Variants in CLTCL1 observed in about 807,000 individuals in gnomAD.
The protein encoded by CLTCL1 is clathrin heavy chain like 1.
CLTCL1 carries 159 observed loss-of-function variants against 190.0 expected under a neutral mutation model. That is an observed-to-expected ratio of 0.84 (90% CI 0.74 to 0.95). CLTCL1 has a LOEUF of 0.95. Ranked by LOEUF, CLTCL1 falls within the 40% of genes least tolerant of loss-of-function variation. The probability of loss-of-function intolerance (pLI) is 0.00; values close to 1 mark genes in which losing one functional copy is unlikely to be tolerated. For synonymous variants in CLTCL1, 752 were observed against 769.6 expected, an observed-to-expected ratio of 0.98 and a Z score of 0.38; for missense variants, 1,878 against 2,033.4, an observed-to-expected ratio of 0.92 and a Z score of 1.47.
rs782484669 is a variant in CLTCL1, at chr22:19,233,390, CG to C, written c.1368+31del. 4.3e-6 allele frequency: 7 copies of C among 1,612,524 alleles called. No individual in the cohort carries two copies. In the East Asian group the frequency reaches 1.3e-4, roughly 31 times the overall value. On this transcript the variant is annotated intron_variant, in intron 8 of 32. Transcript: ENST00000427926. ...GCCTGGACCAAGTTTTCAAGCTGTG[CG>C]GGGGGGCTACGAGCTCACAAGTGTT...
chr22:19,227,488 G>T (rs1420013715), intron 11 of CLTCL1, among the ~76,000 whole-genome samples: 33 of 137,060 alleles, frequency 2.4e-4, no homozygotes, highest in Non-Finnish European at 4.6e-5. Context: ...GTCTCGCTCT[G>T]TTGCCAGGCT....
intron 29 of CLTCL1, among the ~76,000 whole-genome samples, chr22:19,185,684 G>A (rs1015383191): frequency 2.6e-5 from 4 of 152,226 alleles, no homozygotes; most frequent in Non-Finnish European, 2.9e-5. Flanking sequence ...CTGGGCCCAC[G>A]TGGCTCGGAG....
chr22:19,202,856 T>G (rs1432835015), intron 22 of CLTCL1, among the ~76,000 whole-genome samples: 1 of 152,214 alleles, frequency 6.6e-6, no homozygotes, highest in Admixed American at 6.5e-5. Flanking sequence ...GTCCGTGGAA[T>G]GTCCTTCCTA....
At chr22:19,227,056 G>C (rs972264916) in intron 11 of CLTCL1, among the ~76,000 whole-genome samples, 4 of 151,882 alleles carry the variant, frequency 2.6e-5, no homozygotes, top group Non-Finnish European at 4.4e-5. Context: ...CATTCTTATA[G>C]GGTTTCTATG....
At chr22:19,252,750 C>G (rs1555970559) in intron 3 of CLTCL1, among the ~76,000 whole-genome samples, 1 of 152,232 alleles carries the variant, frequency 6.6e-6, no homozygotes, top group Admixed American at 6.5e-5. Flanking sequence ...CGCGGTGGCT[C>G]ACGCCTGTAA....
Position 19,224,033 on chromosome 22 carries a change from G to A in CLTCL1, c.2150C>T (p.Ser717Leu). 6.2e-7 allele frequency: 1 copy of A among 1,613,966 alleles called. No homozygotes were observed. Among genetic ancestry groups the A allele is most frequent in the Non-Finnish European group, 8.5e-7 (1 of 1,179,890 alleles). ...TGGGTCTTGGCTGAAGTTCACGATT[G>A]AGCCCAGGAAGTAGAAGAGGCCTAT... ...SYKGLFYFLG[S>L]IVNFSQDPDV... The change falls in exon 14 of 33, where the codon TCA (serine) becomes TTA (leucine). Residue 717 changes from serine (S) to leucine (L), a missense_variant. Physicochemically the swap from Ser to Leu is moderately radical, Grantham distance 145. Coordinates refer to ENST00000427926, the MANE Select transcript of CLTCL1 (RefSeq NM_007098.4).
chr22:19,254,300 T>C, intron 2 of CLTCL1, 73 bp from the exon 3 acceptor site: 1 of 1,266,632 alleles, frequency 7.9e-7, no homozygotes, highest in South Asian at 1.4e-5. Context: ...ATACTCTTAA[T>C]TCTGAATTCT....
chr22:19,209,337 A>G, intron 20 of CLTCL1: 2 of 453,634 alleles, frequency 4.4e-6, no homozygotes, highest in South Asian at 4.2e-5. Flanking sequence ...ACACTCCAAT[A>G]AAGAGGCACA....
At position 19,208,270 on chromosome 22, in the gene CLTCL1, T is replaced by G. The variant is rs782655174; in HGVS notation, c.3484A>C (p.Lys1162Gln). Residue 1162 changes from lysine to glutamine, a missense_variant, in exon 22 of 33, where the codon AAA (lysine) becomes CAA (glutamine). Coordinates refer to ENST00000427926, the MANE Select transcript of CLTCL1 (RefSeq NM_007098.4). ...DLVKFLQMAR[K>Q]KGRESYIETE... ...TCTATATAGGACTCACGGCCCTTTT[T>G]CCTGGCCATCTGCAGAAATTTAACT... The G allele has an allele frequency of 3.1e-6, 5 of 1,613,706 alleles. No homozygotes were observed. The African/African-American group carries it at 5.3e-5, about 17-fold the overall frequency.
chr22:19,248,563 C>T (rs2086492209), intron 3 of CLTCL1, among the ~76,000 whole-genome samples: 1 of 152,154 alleles, frequency 6.6e-6, no homozygotes, highest in Non-Finnish European at 1.5e-5. Flanking sequence ...TTCCTATCTC[C>T]CAGACTCCAC....
intron 4 of CLTCL1, among the ~76,000 whole-genome samples, chr22:19,239,861 C>G (rs1056043576): frequency 1.3e-5 from 2 of 152,070 alleles, no homozygotes; most frequent in Non-Finnish European, 2.9e-5. Context: ...GGGTAAGAAT[C>G]TGATGAGGGA....
At chr22:19,247,268 A>G (rs1381527501) in intron 3 of CLTCL1, among the ~76,000 whole-genome samples, 1 of 152,154 alleles carries the variant, frequency 6.6e-6, no homozygotes, top group Non-Finnish European at 1.5e-5. Context: ...TCACCATTGA[A>G]CAGTCTTGAC....
At chr22:19,207,860 G>A (rs746014264) in intron 22 of CLTCL1, among the ~76,000 whole-genome samples, 58 of 152,140 alleles carry the variant, frequency 3.8e-4, no homozygotes, top group Admixed American at 8.5e-4. Context: ...ATCATCCCCA[G>A]ATGGGACCAT....
At chr22:19,225,426 G>A in intron 13 of CLTCL1, 27 bp downstream of exon 13, 2 of 1,537,932 alleles carry the variant, frequency 1.3e-6, no homozygotes, top group Non-Finnish European at 1.8e-6. Flanking sequence ...TCACATGGTG[G>A]GGTCGGCGAG....
intron 18 of CLTCL1, among the ~76,000 whole-genome samples, chr22:19,218,604 C>A (rs2085466063): frequency 6.6e-6 from 1 of 152,088 alleles, no homozygotes; most frequent in Non-Finnish European, 1.5e-5. Context: ...TTTAACTGGT[C>A]CTATTCTCAG....
At chr22:19,216,446 A>G (rs782470499) in intron 18 of CLTCL1, among the ~76,000 whole-genome samples, 190 bp from the exon 19 acceptor site, 13 of 152,230 alleles carry the variant, frequency 8.5e-5, no homozygotes, top group Non-Finnish European at 1.8e-4. Flanking sequence ...CTCTGTTTTG[A>G]CAATTAGTTT....
intron 11 of CLTCL1, 55 bp downstream of exon 11, chr22:19,229,783 C>A: frequency 6.6e-7 from 1 of 1,523,896 alleles, no homozygotes. Context: ...GTCTGCAAAC[C>A]CAGAGAGGTG....
chr22:19,271,953 T>G (rs1191063392), intron 2 of CLTCL1, among the ~76,000 whole-genome samples: 1 of 152,072 alleles, frequency 6.6e-6, no homozygotes, highest in African/African-American at 2.4e-5. Flanking sequence ...CAAAAAATGT[T>G]TAAACATTAG....
chr22:19,183,815 A>G, intron 29 of CLTCL1: 1 of 599,236 alleles, frequency 1.7e-6, no homozygotes, highest in Non-Finnish European at 2.9e-6. Flanking sequence ...GAGGCTCTGG[A>G]GGGGACAGGT....
Sources: allele counts gnomAD v4.1 joint callset (sites outside exome capture counted in the v4.1 genomes callset), GRCh38; gene constraint gnomAD v4.1.1; transcripts MANE v1.5; gene names NCBI Gene and HGNC (gene_info 2026-07-23, HGNC 2026-07-21).